LEPR: variants seen among roughly 807,000 people sequenced by gnomAD.
LEPR encodes leptin receptor.
LEPR carries 56 observed loss-of-function variants against 114.7 expected under a neutral mutation model. That is an observed-to-expected ratio of 0.49 (90% CI 0.39 to 0.61). LEPR has a LOEUF of 0.61. Ranked by LOEUF, LEPR falls within the 20% of genes least tolerant of loss-of-function variation. The pLI is 0.00. For synonymous variants in LEPR, 443 were observed against 461.4 expected (o/e 0.96, Z 0.51); for missense variants, 1,202 against 1,352.9 (o/e 0.89, Z 1.75).
At chr1:65,443,951 C>CTTT (rs765741085) in intron 2 of LEPR, among the ~76,000 whole-genome samples, 1 of 84,718 alleles carries the variant, frequency 1.2e-5, no homozygotes, top group Admixed American at 1.3e-4. Context: ...AGACCTGATA[C>CTTT]TTTTTTTTTT....
At chr1:65,426,150 T>C (rs763271120) in intron 2 of LEPR, among the ~76,000 whole-genome samples, 2 of 151,980 alleles carry the variant, frequency 1.3e-5, no homozygotes, top group Non-Finnish European at 2.9e-5. Context: ...AGAAGAAATG[T>C]CAAGAAAATC....
intron 5 of LEPR, among the ~76,000 whole-genome samples, chr1:65,587,307 A>G (rs1334605557): frequency 2.0e-5 from 3 of 152,172 alleles, no homozygotes; most frequent in African/African-American, 4.8e-5. Context: ...AAAAGCTTTT[A>G]TTTTAATATT....
At chr1:65,595,311 C>T (rs1262678336) in intron 6 of LEPR, among the ~76,000 whole-genome samples, 1 of 151,936 alleles carries the variant, frequency 6.6e-6, no homozygotes, top group Admixed American at 6.6e-5. Context: ...TAAGGGGACT[C>T]CTTCATGGCC....
intron 3 of LEPR, among the ~76,000 whole-genome samples, chr1:65,568,903 A>T (rs1653960979): frequency 6.6e-6 from 1 of 151,968 alleles, no homozygotes; most frequent in African/African-American, 2.4e-5. Flanking sequence ...TGTAGTTTTA[A>T]TTTGCATTTT....
chr1:65,629,275 C>T, intron 19 of LEPR: 1 of 394,448 alleles, frequency 2.5e-6, no homozygotes, highest in Non-Finnish European at 4.9e-6. Context: ...TTACGCTTCC[C>T]TCCATTTCTC....
In LEPR at chr1:65,511,180, A is replaced by C. The variant is rs116564329; in HGVS notation, c.-20-54366A>C. Among the ~76,000 whole-genome samples the C allele has an allele frequency of 4.7e-3, 720 of 152,300 alleles. 7 individuals carry two copies. The highest frequency in any genetic ancestry group is 0.017 in the African/African-American group (694 of 41,558). ...CTGACAAACAGTAACATCTGCTTAA[A>C]TACTTCCAGTGACTGGCAACCCAGT... On this transcript the variant is annotated intron_variant, in intron 2 of 19. Coordinates refer to ENST00000349533, the MANE Select transcript of LEPR (RefSeq NM_002303.6).
chr1:65,518,919 C>CTTTCTT (rs1379079788), intron 2 of LEPR, among the ~76,000 whole-genome samples: 2 of 76,070 alleles, frequency 2.6e-5, no homozygotes, highest in African/African-American at 5.4e-5. Flanking sequence ...CTTTCTTTCT[C>CTTTCTT]TCTTTCTCTG....
In LEPR at chr1:65,483,690, G is replaced by A. The variant is rs566947160; in HGVS notation, c.-21+58312G>A. Among the ~76,000 whole-genome samples the A allele has an allele frequency of 2.4e-4, 36 of 152,248 alleles. No homozygotes were observed. In the South Asian group the frequency reaches 7.3e-3, roughly 31 times the overall value. On this transcript the variant is annotated intron_variant, in intron 2 of 19. Transcript: ENST00000349533. The stretch of plus-strand genomic sequence containing the variant: ...CTCTTGCCATCCTCAGTCCTTGGAA[G>A]TATTTCTCGATTATTCTTTTATATT...
intron 2 of LEPR, among the ~76,000 whole-genome samples, chr1:65,544,514 T>TG (rs1439259404): frequency 6.6e-6 from 1 of 151,990 alleles, no homozygotes; most frequent in African/African-American, 2.4e-5. Flanking sequence ...ATTCTTGTCT[T>TG]GTGCCAGTTT....
At chr1:65,466,612 G>T (rs1647016305) in intron 2 of LEPR, among the ~76,000 whole-genome samples, 1 of 152,188 alleles carries the variant, frequency 6.6e-6, no homozygotes, top group Non-Finnish European at 1.5e-5. Flanking sequence ...ATAATATCCT[G>T]AAGAGTGTTT....
intron 2 of LEPR, chr1:65,433,444 T>C: frequency 1.0e-6 from 1 of 985,444 alleles, no homozygotes; most frequent in Non-Finnish European, 1.2e-6. Flanking sequence ...AAGGGAAATA[T>C]GGGAAGGAGA....
intron 5 of LEPR, among the ~76,000 whole-genome samples, chr1:65,587,508 C>T (rs1174549517): frequency 1.3e-5 from 2 of 151,866 alleles, no homozygotes; most frequent in Non-Finnish European, 2.9e-5. Context: ...ATATTCACAC[C>T]CTTGTAAACA....
At chr1:65,421,386 C>T in intron 1 of LEPR, 1 of 1,536,034 alleles carries the variant, frequency 6.5e-7, no homozygotes, top group South Asian at 1.2e-5. Flanking sequence ...GGTAAAAACA[C>T]CGCGTCCCTT....
chr1:65,575,912 C>T (rs750619034), intron 5 of LEPR, among the ~76,000 whole-genome samples: 1 of 151,346 alleles, frequency 6.6e-6, no homozygotes, highest in East Asian at 1.9e-4. Context: ...TCTTCATCTG[C>T]GGACACTCAG....
chr1:65,598,639 T>C lies in LEPR; in HGVS notation c.850-21T>C, dbSNP rs745669994. ...TCCACATCAACTTGATGTTCTGATG[T>C]TTTAATATAATATTTAACAGGCTGA... On this transcript the variant is annotated intron_variant, in intron 7 of 19. Coordinates refer to ENST00000349533, the MANE Select transcript of LEPR (RefSeq NM_002303.6). 1.1e-5 allele frequency: 17 copies of C among 1,612,026 alleles called. No homozygotes were observed. In the South Asian group the frequency reaches 1.9e-4, roughly 18 times the overall value.
chr1:65,599,995 A>C (rs1177408734), intron 8 of LEPR, among the ~76,000 whole-genome samples: 1 of 152,088 alleles, frequency 6.6e-6, no homozygotes, highest in Non-Finnish European at 1.5e-5. Context: ...AAATACTATG[A>C]CTTTAATCTT....
chr1:65,500,316 T>C (rs944133985), intron 2 of LEPR, among the ~76,000 whole-genome samples: 2 of 152,148 alleles, frequency 1.3e-5, no homozygotes, highest in African/African-American at 4.8e-5. Context: ...AAAGACCCTA[T>C]GTTATATTGG....
chr1:65,601,811 T>C, intron 9 of LEPR, 32 bp from the exon 10 acceptor site: 1 of 1,587,624 alleles, frequency 6.3e-7, no homozygotes, highest in African/African-American at 1.4e-5. Context: ...GAGTTTTTGC[T>C]TTATATTAAT....
Position 65,576,027 on chromosome 1 carries a change from A to G in LEPR, c.494+3578A>G, listed in dbSNP as rs187779691. The G allele has an allele frequency of 1.5e-3, 230 of 151,550 alleles. 15 individuals carry two copies. Among genetic ancestry groups the G allele is most frequent in the African/African-American group, 5.3e-3 (216 of 40,760 alleles). 9.4% of individuals were successfully genotyped at this position (151,550 alleles called of 1,614,324 possible). On this transcript the variant is annotated intron_variant, in intron 5 of 19. Transcript: ENST00000349533. ...CTCTCCAAGATGGCTCTACCAAACC[A>G]AGGCTTTCCTGGCACCAACAACGTT...
Sources: allele counts gnomAD v4.1 joint callset (sites outside exome capture counted in the v4.1 genomes callset), GRCh38; gene constraint gnomAD v4.1.1; transcripts MANE v1.5; gene names NCBI Gene and HGNC (gene_info 2026-07-23, HGNC 2026-07-21).